CP: variants seen among roughly 807,000 people sequenced by gnomAD.
CP encodes caeruloplasmin.
Under a neutral mutation model 122.4 loss-of-function variants are expected in CP, and 64 were observed. That is an observed-to-expected ratio of 0.52 (90% CI 0.43 to 0.64). CP has a LOEUF of 0.64. CP is among the 30% of genes least tolerant of loss of function. CP has a pLI of 0.00. For missense variants in CP, 1,167 were observed against 1,284.4 expected (o/e 0.91, Z 1.40); for synonymous variants, 440 against 436.4 (o/e 1.01, Z -0.10).
chr3:149,183,808 C>G (rs1725950208), intron 12 of CP, among the ~76,000 whole-genome samples: 1 of 152,056 alleles, frequency 6.6e-6, no homozygotes, highest in Non-Finnish European at 1.5e-5. Flanking sequence ...CATCTGAGTG[C>G]AGCCATCTGA....
At chr3:149,211,683 G>A (rs966011458) in intron 2 of CP, among the ~76,000 whole-genome samples, 10 of 152,204 alleles carry the variant, frequency 6.6e-5, no homozygotes, top group Admixed American at 5.9e-4. Context: ...CTTAGCTGGG[G>A]CAGAGTTTAT....
At chr3:149,213,785 G>A (rs1400616159) in intron 1 of CP, among the ~76,000 whole-genome samples, 1 of 152,164 alleles carries the variant, frequency 6.6e-6, no homozygotes, top group East Asian at 1.9e-4. Flanking sequence ...TCAGTTGTAA[G>A]CTCACTGGTA....
At chr3:149,163,723 A>C in intron 5 of CP, 1 of 623,850 alleles carries the variant, frequency 1.6e-6, no homozygotes, top group East Asian at 2.8e-5. Context: ...ATTCCCAGGA[A>C]AGTATATACC....
chr3:149,181,974 G>GCACCAC (rs1576734124), intron 14 of CP, 31 bp downstream of exon 14: 12 of 1,356,654 alleles, frequency 8.8e-6, no homozygotes, highest in Admixed American at 6.8e-5. Context: ...CTGTTAAAAT[G>GCACCAC]CACCACCCCC....
intron 9 of CP, among the ~76,000 whole-genome samples, chr3:149,193,005 C>CAT (rs1553760443): frequency 8.6e-5 from 13 of 151,818 alleles, no homozygotes; most frequent in East Asian, 5.8e-4. Flanking sequence ...CACACACACA[C>CAT]GCATACACTC....
chr3:149,183,653 T>A, intron 12 of CP, 48 bp from the exon 13 acceptor site: 1 of 1,330,266 alleles, frequency 7.5e-7, no homozygotes, highest in Non-Finnish European at 1.0e-6. Context: ...AATGAAAATG[T>A]AACTTAAGTT....
At chr3:149,177,656 G>T in intron 17 of CP, 184 bp downstream of exon 17, 1 of 683,682 alleles carries the variant, frequency 1.5e-6, no homozygotes, top group Non-Finnish European at 2.5e-6. Context: ...GAACTTAGTG[G>T]AATTATTTTT....
At position 149,207,608 on chromosome 3, in the gene CP, C is replaced by G. The variant is rs765086883; in HGVS notation, c.791G>C (p.Gly264Ala). 6.2e-6 allele frequency: 10 copies of G among 1,613,750 alleles called. No individual in the cohort carries two copies. Among genetic ancestry groups the G allele is most frequent in the Non-Finnish European group, 8.5e-6 (10 of 1,179,786 alleles). Reference protein sequence around the residue: ...QESNRMYSVNGYTFGSLPGLS... With the variant: ...QESNRMYSVNAYTFGSLPGLS... ...TCCTGGGAGACTTCCAAAAGTGTAT[C>G]CATTCACAGCTGTAAGTCAAGAGCA... The change falls in exon 5 of 19, where the codon GGA becomes GCA. Residue 264 changes from glycine to alanine, a missense_variant. Gly to Ala is a moderately conservative substitution (Grantham distance 60). Around this residue, in one of 2 missense-constraint regions of CP, gnomAD observed 642 missense variants for 627.3 expected, o/e 1.02. Transcript: ENST00000264613.
At chr3:149,181,179 C>G (rs535298862) in intron 14 of CP, among the ~76,000 whole-genome samples, 1 of 152,128 alleles carries the variant, frequency 6.6e-6, no homozygotes, top group African/African-American at 2.4e-5. Flanking sequence ...CCTCCCTACT[C>G]CATCTGGCCC....
intron 5 of CP, among the ~76,000 whole-genome samples, chr3:149,165,140 CT>C (rs1449609026): frequency 6.6e-6 from 1 of 152,138 alleles, no homozygotes; most frequent in South Asian, 2.1e-4. Flanking sequence ...TTCTGAGGGG[CT>C]AGCCTCAGAT....
chr3:149,178,764 T>G (rs527381657), intron 15 of CP, 133 bp from the exon 16 acceptor site: 1 of 682,716 alleles, frequency 1.5e-6, no homozygotes, highest in Non-Finnish European at 2.6e-6. Context: ...AATGTGGTAC[T>G]GCCAATTTAG....
At chr3:149,212,156 A>G (rs1170501511) in intron 2 of CP, among the ~76,000 whole-genome samples, 1 of 151,858 alleles carries the variant, frequency 6.6e-6, no homozygotes, top group Non-Finnish European at 1.5e-5. Flanking sequence ...AATAAAAATA[A>G]AAAAGTTTGC....
Position 149,221,638 on chromosome 3 carries a change from G to A in CP, c.146+9C>T. 2 of 1,609,852 alleles carry A rather than the reference G, an allele frequency of 1.2e-6. No homozygotes were observed. Among genetic ancestry groups the A allele is most frequent in the Non-Finnish European group, 1.7e-6 (2 of 1,178,492 alleles). On this transcript the variant is annotated intron_variant, in intron 1 of 18. Coordinates refer to ENST00000264613, the MANE Select transcript of CP (RefSeq NM_000096.4). ...TTTTGGTCTATAAACAATAAAAATA[G>A]TGACTTACGTGTCAACAGAAATAAG...
rs746304657 is a variant in CP at position 149,162,767 on chromosome 3, C to G, written c.*122G>C. The stretch of plus-strand genomic sequence containing the variant: ...GGGAAGCTCAGCTAGTGGCATGTCT[C>G]CCAGATGTGGTACTTCAGGAACTCT... On this transcript the variant is annotated 3_prime_UTR_variant, in exon 6 of 6. Transcript: ENST00000479771. 2 of 1,613,850 alleles carry G rather than the reference C, an allele frequency of 1.2e-6. No individual in the cohort carries two copies. Among genetic ancestry groups the G allele is most frequent in the Admixed American group, 3.3e-5 (2 of 59,990 alleles).
downstream of CP, chr3:149,168,151 A>G: frequency 1.6e-6 from 1 of 607,820 alleles, no homozygotes; most frequent in Middle Eastern, 4.5e-4. Context: ...GACATTTGAT[A>G]TTGATTTATC....
chr3:149,209,056 T>G (rs891711938), intron 4 of CP, among the ~76,000 whole-genome samples, 155 bp downstream of exon 4: 1 of 152,174 alleles, frequency 6.6e-6, no homozygotes, highest in South Asian at 2.1e-4. Context: ...TATTCTGACT[T>G]ACTTAGCTGA....
At chr3:149,219,913 G>T (rs1320803621) in intron 1 of CP, among the ~76,000 whole-genome samples, 1 of 151,882 alleles carries the variant, frequency 6.6e-6, no homozygotes, top group Non-Finnish European at 1.5e-5. Flanking sequence ...CTCCTCCTTT[G>T]CCTTCCACCA....
At chr3:149,179,505 A>G in intron 15 of CP, 51 bp downstream of exon 15, 1 of 1,334,538 alleles carries the variant, frequency 7.5e-7, no homozygotes, top group South Asian at 1.2e-5. Flanking sequence ...TCTTCCTTCA[A>G]TTGTGTGTCT....
chr3:149,164,616 G>T (rs1389828142), intron 5 of CP, among the ~76,000 whole-genome samples: 1 of 152,204 alleles, frequency 6.6e-6, no homozygotes, highest in Non-Finnish European at 1.5e-5. Context: ...TCTTCCCAGT[G>T]TAGGTGCTAA....
Sources: allele counts gnomAD v4.1 joint callset (sites outside exome capture counted in the v4.1 genomes callset), GRCh38; gene constraint gnomAD v4.1.1; regional missense constraint gnomAD v4.1.1; transcripts MANE v1.5; gene names NCBI Gene and HGNC (gene_info 2026-07-23, HGNC 2026-07-21).